The following ZNF148 variants were observed in gnomAD, a reference collection of about 807,000 sequenced individuals.
The protein encoded by ZNF148 is Beta-Enolase Repressor Factor-1.
Under a neutral mutation model 67.7 loss-of-function variants are expected in ZNF148, and 7 were observed. The observed-to-expected ratio is 0.10, with a 90% CI of 0.06 to 0.19. ZNF148 has a LOEUF of 0.19. ZNF148 is among the 10% of genes least tolerant of loss of function. ZNF148 has a pLI of 1.00. For synonymous variants in ZNF148, 333 were observed against 330.7 expected, an observed-to-expected ratio of 1.01 and a Z score of -0.08; for missense variants, 583 against 947.1, an observed-to-expected ratio of 0.62 and a Z score of 5.05.
chr3:125,315,707 CA>C (rs35145293), intron 3 of ZNF148, among the ~76,000 whole-genome samples: 95 of 113,342 alleles, frequency 8.4e-4, no homozygotes, highest in African/African-American at 1.8e-3. Context: ...GACTCCATCT[CA>C]AAAAAAAAAA....
intron 7 of ZNF148, among the ~76,000 whole-genome samples, chr3:125,239,958 A>AG (rs1273965250): frequency 6.6e-6 from 1 of 152,174 alleles, no homozygotes; most frequent in Admixed American, 6.5e-5. Context: ...ACTAACAGGT[A>AG]TAGGTTTTCT....
rs1487524958 is a variant in ZNF148 at position 125,344,416 on chromosome 3, C to G, written c.-233-13178G>C. ...TCTGTCCCTTGGCCTCCTCAGGGAC[C>G]CCATTCCAAAAAAAAGTCCTCAAAA... On this transcript the variant is annotated intron_variant, in intron 1 of 8. Transcript: ENST00000360647. 51 of 737,070 alleles carry G rather than the reference C, an allele frequency of 6.9e-5. No homozygotes were observed. In the East Asian group the frequency reaches 1.3e-3, roughly 19 times the overall value. 45.7% of individuals were successfully genotyped at this position (737,070 alleles called of 1,614,324 possible).
intron 7 of ZNF148, among the ~76,000 whole-genome samples, chr3:125,264,061 C>A (rs1027576854): frequency 3.3e-5 from 5 of 152,096 alleles, no homozygotes; most frequent in Non-Finnish European, 7.4e-5. Context: ...GGTGGCACAC[C>A]CTAAATCCAC....
Position 125,232,276 on chromosome 3 carries a change from GA to G in ZNF148, c.*64del. The stretch of plus-strand genomic sequence containing the variant: ...ATCTGTACAGCACTCCATTTACACA[GA>G]GTAACCCCACTCTTGATTAATCTGT... On this transcript the variant is annotated 3_prime_UTR_variant, in exon 9 of 9. Coordinates refer to ENST00000360647, the MANE Select transcript of ZNF148 (RefSeq NM_021964.3). This position sits in a 1 kb window ranked among gnomAD's most constrained non-coding sequence, Gnocchi z 4.2. The G allele has an allele frequency of 1.3e-6, 2 of 1,510,396 alleles. No homozygotes were observed. Among genetic ancestry groups the G allele is most frequent in the Non-Finnish European group, 1.8e-6 (2 of 1,130,740 alleles). 93.6% of individuals were successfully genotyped at this position (1,510,396 alleles called of 1,614,324 possible).
In ZNF148 at chr3:125,305,449, G is replaced by A. The variant is rs565013297; in HGVS notation, c.333+7859C>T. Among the ~76,000 whole-genome samples the A allele has an allele frequency of 8.5e-5, 13 of 152,248 alleles. No homozygotes were observed. In the South Asian group the frequency reaches 2.7e-3, roughly 32 times the overall value. The stretch of plus-strand genomic sequence containing the variant: ...TTTTGGCTAACAAACTTTAACTGCT[G>A]GACTTTAGCAGCTCTCTCCCAGTAA... On this transcript the variant is annotated intron_variant, in intron 4 of 8. Coordinates refer to ENST00000360647, the MANE Select transcript of ZNF148 (RefSeq NM_021964.3).
At chr3:125,234,009 A>G in intron 8 of ZNF148, 70 bp from the exon 9 acceptor site, 3 of 1,496,692 alleles carry the variant, frequency 2.0e-6, no homozygotes, top group Non-Finnish European at 1.8e-6. Flanking sequence ...AAAGTGAAAC[A>G]AAACAATTAA....
chr3:125,350,620 T>C (rs573984857), intron 1 of ZNF148, among the ~76,000 whole-genome samples: 1 of 152,352 alleles, frequency 6.6e-6, no homozygotes, highest in Admixed American at 6.5e-5. Context: ...AGGCATTAGA[T>C]TCTCAAAAGG....
At chr3:125,249,226 A>C (rs1358989418) in intron 7 of ZNF148, among the ~76,000 whole-genome samples, 2 of 152,222 alleles carry the variant, frequency 1.3e-5, no homozygotes, top group African/African-American at 4.8e-5. Context: ...AAATGAAAAG[A>C]TAACCTATGG....
intron 3 of ZNF148, among the ~76,000 whole-genome samples, chr3:125,322,027 CTTTTTTTTT>C (rs35879999): frequency 1.3e-4 from 11 of 82,926 alleles, no homozygotes; most frequent in African/African-American, 3.9e-4. Context: ...TAATCAACGG[CTTTTTTTTT>C]TTTTTTTTTT....
intron 1 of ZNF148, among the ~76,000 whole-genome samples, chr3:125,335,726 C>T (rs1579835139): frequency 6.6e-6 from 1 of 152,130 alleles, no homozygotes; most frequent in African/African-American, 2.4e-5. Flanking sequence ...GAGCTTCTTT[C>T]GTATTTTCAA....
At chr3:125,348,963 G>T (rs1269518888) in intron 1 of ZNF148, among the ~76,000 whole-genome samples, 1 of 152,158 alleles carries the variant, frequency 6.6e-6, no homozygotes, top group African/African-American at 2.4e-5. Flanking sequence ...TTCAAGAAAG[G>T]TGCCAAGAAT....
At chr3:125,363,427 CA>C (rs1414143584) in intron 1 of ZNF148, among the ~76,000 whole-genome samples, 2 of 152,276 alleles carry the variant, frequency 1.3e-5, no homozygotes, top group Non-Finnish European at 2.9e-5. Context: ...CTTAAAACCC[CA>C]AAACAGTTCT....
intron 1 of ZNF148, among the ~76,000 whole-genome samples, chr3:125,372,291 G>A (rs1199586852): frequency 6.6e-6 from 1 of 152,094 alleles, no homozygotes; most frequent in Non-Finnish European, 1.5e-5. Context: ...GCCATACCTA[G>A]GCTAAATCCC....
Position 125,232,096 on chromosome 3 carries a change from G to T in ZNF148, c.*245C>A. On this transcript the variant is annotated 3_prime_UTR_variant, in exon 9 of 9. Transcript: ENST00000360647. This position sits in a 1 kb window ranked among gnomAD's most constrained non-coding sequence, Gnocchi z 4.2. ...TTTTTAACTTGGTGTGGGTGGAATA[G>T]CAAGTTTCTGATCTAAAACAAGTAA... The T allele has an allele frequency of 2.6e-6, 1 of 391,736 alleles. No homozygotes were observed. Among genetic ancestry groups the T allele is most frequent in the Non-Finnish European group, 4.5e-6 (1 of 222,428 alleles). 24.3% of individuals were successfully genotyped at this position (391,736 alleles called of 1,614,324 possible).
At position 125,317,845 on chromosome 3, in the gene ZNF148, T is replaced by C. The variant is rs552486534; in HGVS notation, c.-16-4189A>G. Reference sequence around the variant, plus strand: ...GTACCAACATCTTTTCTTTCTTTAATGTTACGGCAAGCTAACAGGGTATGA... The same window carrying C: ...GTACCAACATCTTTTCTTTCTTTAACGTTACGGCAAGCTAACAGGGTATGA... On this transcript the variant is annotated intron_variant, in intron 3 of 8. Transcript: ENST00000360647. Among the ~76,000 whole-genome samples, 168 of 151,968 alleles carry C rather than the reference T, an allele frequency of 1.1e-3. 2 individuals are homozygous for C. The South Asian group carries it at 0.033, about 30-fold the overall frequency.
chr3:125,269,390 A>G (rs1937618645), intron 7 of ZNF148, among the ~76,000 whole-genome samples: 2 of 151,558 alleles, frequency 1.3e-5, no homozygotes, highest in Non-Finnish European at 1.5e-5. Flanking sequence ...AAAAAAAAAA[A>G]TGAACACCAC....
chr3:125,251,454 T>C (rs546222481), intron 7 of ZNF148, among the ~76,000 whole-genome samples: 1 of 152,346 alleles, frequency 6.6e-6, no homozygotes, highest in East Asian at 1.9e-4. Context: ...CACACCTGTG[T>C]AATTAGTAGC....
At chr3:125,269,843 T>C (rs1194769003) in intron 7 of ZNF148, among the ~76,000 whole-genome samples, 1 of 152,030 alleles carries the variant, frequency 6.6e-6, no homozygotes, top group African/African-American at 2.4e-5. Context: ...CTAAGTGAAT[T>C]AACATAAAAA....
chr3:125,344,472 T>A (rs923027406), intron 1 of ZNF148: 2 of 1,076,844 alleles, frequency 1.9e-6, no homozygotes, highest in African/African-American at 3.1e-5. Flanking sequence ...TAAAAATGGG[T>A]CCCTTCCACC....
Sources: gnomAD v4.1 joint callset for allele counts (sites outside exome capture counted in the v4.1 genomes callset) on GRCh38, gnomAD v4.1.1 for gene constraint, Gnocchi (gnomAD v3.1) non-coding constraint, MANE v1.5 for transcripts, NCBI Gene and HGNC (gene_info 2026-07-23, HGNC 2026-07-21) for gene names.